PARD3B: variants seen among roughly 807,000 people sequenced by gnomAD.
PARD3B encodes partitioning defective 3 homolog B.
PARD3B carries 103 observed loss-of-function variants against 130.2 expected under a neutral mutation model. The ratio of observed to expected loss-of-function variants is 0.79; its 90% CI spans 0.67 to 0.93. The LOEUF (loss-of-function observed/expected upper bound fraction) is 0.93. Ranked by LOEUF, PARD3B falls within the 40% of genes least tolerant of loss-of-function variation. PARD3B has a pLI of 0.00. For missense variants in PARD3B, 1,609 were observed against 1,499.2 expected (o/e 1.07, Z -1.21); for synonymous variants, 583 against 553.2 (o/e 1.05, Z -0.76).
intron 4 of PARD3B, among the ~76,000 whole-genome samples, chr2:205,079,765 C>A (rs1701290218): frequency 6.6e-6 from 1 of 152,090 alleles, no homozygotes; most frequent in East Asian, 1.9e-4. Flanking sequence ...AAATTTATAT[C>A]TTAACCAAAA....
chr2:205,016,950 A>G (rs1696194075), intron 3 of PARD3B, among the ~76,000 whole-genome samples: 1 of 152,176 alleles, frequency 6.6e-6, no homozygotes, highest in African/African-American at 2.4e-5. Context: ...CTAAGCACCA[A>G]AAGAGTCCAG....
Position 204,563,217 on chromosome 2 carries a change from G to GTCTCTCTCTCTCTCTCTCTCTC in PARD3B, c.120+17126_120+17147dup, listed in dbSNP as rs35536964. Among the ~76,000 whole-genome samples the GTCTCTCTCTCTCTCTCTCTCTC allele has an allele frequency of 1.2e-4, 10 of 86,638 alleles. 2 individuals are homozygous for GTCTCTCTCTCTCTCTCTCTCTC. The highest frequency in any genetic ancestry group is 2.9e-4 in the Admixed American group (2 of 7,010). 56.8% of individuals were successfully genotyped at this position (86,638 alleles called of 152,430 possible). A position where few individuals can be genotyped will look rare whatever the true frequency, so the allele number is the denominator to read the frequency against. ...CGTTTTTACATGCCGTCTTCCCGCT[G>GTCTCTCTCTCTCTCTCTCTCTC]TCTCTCTCTCTCTCTCTCTCTCTCT... On this transcript the variant is annotated intron_variant, in intron 1 of 22. Transcript: ENST00000406610.
chr2:205,035,606 C>A (rs1472503209), intron 3 of PARD3B, among the ~76,000 whole-genome samples: 2 of 151,514 alleles, frequency 1.3e-5, no homozygotes, highest in South Asian at 2.1e-4. Flanking sequence ...TGGCCCTGTA[C>A]CTTAGTATCA....
intron 2 of PARD3B, among the ~76,000 whole-genome samples, chr2:204,855,560 T>A (rs1213424777): frequency 6.7e-6 from 1 of 148,772 alleles, no homozygotes; most frequent in Admixed American, 6.7e-5. Flanking sequence ...AAAATATATA[T>A]ATATATATAT....
intron 4 of PARD3B, among the ~76,000 whole-genome samples, chr2:205,060,525 T>G (rs974778485): frequency 6.6e-6 from 1 of 152,150 alleles, no homozygotes; most frequent in Non-Finnish European, 1.5e-5. Flanking sequence ...ATTGACTCTT[T>G]GTCAGGTTAA....
rs148233681 is a variant in PARD3B, at chr2:204,653,359, C to T, written c.121-32822C>T. On this transcript the variant is annotated intron_variant, in intron 1 of 22. Transcript: ENST00000406610. ...CCTTCTGTTAGATATACTTTTAAAACGTTAAAGTAACTTTTCACTTGTAAA... is the reference window on the plus strand; with the variant it reads ...CCTTCTGTTAGATATACTTTTAAAATGTTAAAGTAACTTTTCACTTGTAAA... Among the ~76,000 whole-genome samples the T allele has an allele frequency of 3.0e-3, 445 of 150,442 alleles. 5 individuals carry two copies. The highest frequency in any genetic ancestry group is 5.3e-3 in the Non-Finnish European group (361 of 67,896).
chr2:205,094,024 C>T (rs1012879622), intron 4 of PARD3B, among the ~76,000 whole-genome samples: 9 of 152,106 alleles, frequency 5.9e-5, no homozygotes, highest in Admixed American at 2.0e-4. Context: ...ATGGTGTAGC[C>T]GGCTCTGGAT....
chr2:205,379,406 T>C (rs1026270676), intron 18 of PARD3B, among the ~76,000 whole-genome samples: 2 of 152,098 alleles, frequency 1.3e-5, no homozygotes, highest in African/African-American at 4.8e-5. Context: ...ATGCTGAATC[T>C]TTAGGGACGA....
In PARD3B at chr2:205,146,510, G is replaced by A. The variant is rs2033370838; in HGVS notation, c.1435-12212G>A. Among the ~76,000 whole-genome samples, 1 of 151,778 alleles carries A rather than the reference G, an allele frequency of 6.6e-6. No individual in the cohort carries two copies. ...TAAAAATACAAAAACATTTATCTGG[G>A]CGTGGTGGCGGGCGCCTGTAGTCCC... On this transcript the variant is annotated intron_variant, in intron 10 of 22. Transcript: ENST00000406610. The surrounding 1 kb of genome is among the most constrained non-coding windows in gnomAD (Gnocchi z 4.3).
intron 22 of PARD3B, among the ~76,000 whole-genome samples, chr2:205,604,592 C>T (rs1412009711): frequency 1.3e-5 from 2 of 152,242 alleles, no homozygotes; most frequent in African/African-American, 2.4e-5. Context: ...GTCTGAGAGG[C>T]GTTCTTTTGT....
rs1267941801 is a variant in PARD3B, at chr2:205,481,500, G to A, written c.3045-18396G>A. On this transcript the variant is annotated intron_variant, in intron 20 of 22. Transcript: ENST00000406610. The stretch of plus-strand genomic sequence containing the variant: ...CATGCTGCTATGAACCGGGCTCGTG[G>A]AAGAAGGAATGCAGGGGAGGCCACA... Among the ~76,000 whole-genome samples, 4 of 152,186 alleles carry A rather than the reference G, an allele frequency of 2.6e-5. No homozygotes were observed. The East Asian group carries it at 7.7e-4, about 29-fold the overall frequency.
chr2:205,615,486 G>T lies in PARD3B; in HGVS notation c.3291G>T (p.Leu1097=). Residue 1097 remains leucine (L), a synonymous_variant, in exon 23 of 23, where the codon CTG becomes CTT. Transcript: ENST00000406610. The part of the protein sequence containing the change: ...RGGPADPVDY[L]PAAPRGLYKE... Reference sequence around the variant, plus strand: ...GACCCGCAGATCCTGTAGACTATCTGCCAGCAGCACCTCGGGGGCTCTACA... The same window carrying T: ...GACCCGCAGATCCTGTAGACTATCTTCCAGCAGCACCTCGGGGGCTCTACA... 6.2e-7 allele frequency: 1 copy of T among 1,611,046 alleles called. No individual in the cohort carries two copies. The highest frequency in any genetic ancestry group is 2.2e-5 in the East Asian group (1 of 44,826).
At chr2:205,149,226 C>T (rs983193979) in intron 10 of PARD3B, among the ~76,000 whole-genome samples, 34 of 151,980 alleles carry the variant, frequency 2.2e-4, no homozygotes, top group East Asian at 3.9e-4. Context: ...GTATATCTAG[C>T]GAGGCCTGAC....
intron 20 of PARD3B, among the ~76,000 whole-genome samples, chr2:205,465,746 G>T (rs951566946): frequency 4.6e-5 from 7 of 152,266 alleles, no homozygotes; most frequent in African/African-American, 1.7e-4. Flanking sequence ...GGTACTGATG[G>T]GAGAAAACCT....
intron 3 of PARD3B, among the ~76,000 whole-genome samples, chr2:204,970,034 T>A (rs1464368476): frequency 6.6e-6 from 1 of 152,170 alleles, no homozygotes; most frequent in Non-Finnish European, 1.5e-5. Flanking sequence ...GACTTTCTGA[T>A]TTTTTAAGTA....
At position 205,421,785 on chromosome 2, in the gene PARD3B, T is replaced by G. The variant is rs2046981099; in HGVS notation, c.2742-18585T>G. Among the ~76,000 whole-genome samples the G allele has an allele frequency of 6.6e-6, 1 of 152,252 alleles. No individual in the cohort carries two copies. Among genetic ancestry groups the G allele is most frequent in the South Asian group, 2.1e-4 (1 of 4,834 alleles). ...AGATGTCAACTGAGCTGATTCCTTT[T>G]GCAGACTCATTGTCATTGGCTTTTA... On this transcript the variant is annotated intron_variant, in intron 19 of 22. Coordinates refer to ENST00000406610, the MANE Select transcript of PARD3B (RefSeq NM_001302769.2). The surrounding 1 kb of genome is among the most constrained non-coding windows in gnomAD (Gnocchi z 5.1).
chr2:205,413,410 A>G (rs1203008742), intron 19 of PARD3B, among the ~76,000 whole-genome samples: 2 of 152,128 alleles, frequency 1.3e-5, no homozygotes, highest in Admixed American at 6.6e-5. Context: ...CTCAGGATCT[A>G]ATACATTATG....
chr2:204,844,063 T>G (rs913200169), intron 2 of PARD3B, among the ~76,000 whole-genome samples: 2 of 152,160 alleles, frequency 1.3e-5, no homozygotes, highest in African/African-American at 4.8e-5. Context: ...CTACTTAGTT[T>G]GTGAGAAACT....
At chr2:205,243,459 A>G (rs1295783137) in intron 15 of PARD3B, among the ~76,000 whole-genome samples, 1 of 152,236 alleles carries the variant, frequency 6.6e-6, no homozygotes, top group Non-Finnish European at 1.5e-5. Context: ...CCAAACAAGG[A>G]TTCCAATTCA....
Sources: gnomAD v4.1 joint callset for allele counts (sites outside exome capture counted in the v4.1 genomes callset) on GRCh38, gnomAD v4.1.1 for gene constraint, Gnocchi (gnomAD v3.1) non-coding constraint, MANE v1.5 for transcripts, NCBI Gene and HGNC (gene_info 2026-07-23, HGNC 2026-07-21) for gene names.